The following IGF2R variants were observed in gnomAD, a reference collection of about 807,000 sequenced individuals.
The protein encoded by IGF2R is cation-independent mannose-6-phosphate receptor.
Under a neutral mutation model 270.6 loss-of-function variants are expected in IGF2R, and 91 were observed. That is an observed-to-expected ratio of 0.34 (90% CI 0.28 to 0.40). IGF2R has a LOEUF of 0.40. Ranked by LOEUF, IGF2R falls within the 10% of genes least tolerant of loss-of-function variation. The pLI, the probability that IGF2R is intolerant of heterozygous loss-of-function variation, is 1.00. For missense variants in IGF2R, 2,805 were observed against 3,188.3 expected, an observed-to-expected ratio of 0.88 and a Z score of 2.90; for synonymous variants, 1,316 against 1,258.9, an observed-to-expected ratio of 1.05 and a Z score of -0.96.
In IGF2R at chr6:160,060,675, G is replaced by A. The variant is rs201467256; in HGVS notation, c.3220G>A (p.Ala1074Thr). ...AAACACTTACTTTGAGTTTGAAACC[G>A]CGTTGGCCTGTGTTCCTTCTCCAGT... ...IRNTYFEFET[A>T]LACVPSPVDC... The change falls in exon 23 of 48, where the codon GCG becomes ACG. Residue 1074 changes from alanine to threonine, a missense_variant. By Grantham distance (58) the Ala-to-Thr change is moderately conservative (BLOSUM62 0). Transcript: ENST00000356956. 119 of 1,614,128 alleles carry A rather than the reference G, an allele frequency of 7.4e-5. No individual in the cohort carries two copies. Among genetic ancestry groups the A allele is most frequent in the Middle Eastern group, 1.6e-4 (1 of 6,084 alleles).
chr6:159,980,912 G>A (rs554815588), intron 1 of IGF2R, among the ~76,000 whole-genome samples: 1 of 152,264 alleles, frequency 6.6e-6, no homozygotes. Flanking sequence ...GAGGAGCAAA[G>A]TATGAGACCG....
In IGF2R at chr6:159,998,223, T is replaced by C. The variant is rs958069276; in HGVS notation, c.289+6900T>C. Among the ~76,000 whole-genome samples, 2 of 152,250 alleles carry C rather than the reference T, an allele frequency of 1.3e-5. No homozygotes were observed. The highest frequency in any genetic ancestry group is 2.4e-5 in the African/African-American group (1 of 41,460). On this transcript the variant is annotated intron_variant, in intron 2 of 47. Transcript: ENST00000356956. This position sits in a 1 kb window ranked among gnomAD's most constrained non-coding sequence, Gnocchi z 4.1. ...AGTAGCTTTCTTCTTGATTTTATTA[T>C]AATACTTCAATATTTTTGGCTAATG...
chr6:159,970,109 A>G (rs1260971543), intron 1 of IGF2R, among the ~76,000 whole-genome samples: 2 of 152,112 alleles, frequency 1.3e-5, no homozygotes, highest in South Asian at 2.1e-4. Flanking sequence ...GGATTATTCT[A>G]GTGGATCTTG....
intron 4 of IGF2R, among the ~76,000 whole-genome samples, chr6:160,024,038 T>C (rs1180121616): frequency 2.6e-5 from 4 of 152,018 alleles, no homozygotes; most frequent in Non-Finnish European, 5.9e-5. Context: ...CAAGAGACCA[T>C]GTAACGGGAA....
At chr6:160,008,701 G>A (rs2115203038) in intron 2 of IGF2R, among the ~76,000 whole-genome samples, 1 of 152,278 alleles carries the variant, frequency 6.6e-6, no homozygotes, top group East Asian at 1.9e-4. Flanking sequence ...GCAGTTAGGT[G>A]GCCATTGCTG....
chr6:159,987,572 A>G (rs1426122652), intron 1 of IGF2R, among the ~76,000 whole-genome samples: 2 of 152,138 alleles, frequency 1.3e-5, no homozygotes, highest in Non-Finnish European at 2.9e-5. Flanking sequence ...TTGTATTTTT[A>G]GTAGAGACGG....
chr6:160,049,407 G>A (rs1778144725), intron 18 of IGF2R, among the ~76,000 whole-genome samples: 1 of 152,186 alleles, frequency 6.6e-6, no homozygotes, highest in South Asian at 2.1e-4. Context: ...CCTGTTCCTG[G>A]TTGAAGTTGA....
In IGF2R at chr6:160,102,626, T is replaced by C. The variant is rs1342578073; in HGVS notation, c.6950T>C (p.Leu2317Pro). ...GAVLSLLLVA[L>P]TCCLLALLLY... ...GTGCTCAGCCTGCTGCTGGTGGCGC[T>C]CACCTGCTGCCTGCTGGCCCTGTTG... Residue 2317 changes from leucine to proline, a missense_variant, in exon 46 of 48, where the codon CTC becomes CCC. Transcript: ENST00000356956. This position sits in a 1 kb window ranked among gnomAD's most constrained non-coding sequence, Gnocchi z 4.5. 2 of 1,612,764 alleles carry C rather than the reference T, an allele frequency of 1.2e-6. No homozygotes were observed. The highest frequency in any genetic ancestry group is 1.3e-5 in the African/African-American group (1 of 74,914).
At chr6:160,076,533 G>A (rs1778859173) in intron 36 of IGF2R, among the ~76,000 whole-genome samples, 1 of 152,154 alleles carries the variant, frequency 6.6e-6, no homozygotes, top group Non-Finnish European at 1.5e-5. Flanking sequence ...AGTCTTTGAG[G>A]ACGTTTTCTT....
At chr6:160,044,799 G>A (rs1309866958) in intron 13 of IGF2R, 142 bp downstream of exon 13, 1 of 671,686 alleles carries the variant, frequency 1.5e-6, no homozygotes, top group East Asian at 3.0e-5. Context: ...CCAGACTCTG[G>A]CGATGGGAGA....
chr6:160,053,942 C>T (rs1778252638), intron 19 of IGF2R, among the ~76,000 whole-genome samples: 1 of 152,152 alleles, frequency 6.6e-6, no homozygotes, highest in African/African-American at 2.4e-5. Context: ...GGTCTTAGAA[C>T]TCCTAGGTTC....
rs554411676 is a variant in IGF2R at position 160,088,124 on chromosome 6, G to T, written c.6297G>T (p.Thr2099=). The stretch of plus-strand genomic sequence containing the variant: ...TGATAGAATTGACCTGTACAAAGAC[G>T]GTGGGCAGACCTGCATTCAAGAGGT... ...SSVIELTCTK[T]VGRPAFKRFD... is the part of the protein sequence containing the mutation. Residue 2099 remains threonine (T), a synonymous_variant, in exon 42 of 48, where the codon ACG becomes ACT. Transcript: ENST00000356956. 3 of 1,611,074 alleles carry T rather than the reference G, an allele frequency of 1.9e-6. No homozygotes were observed. The highest frequency in any genetic ancestry group is 1.7e-5 in the Admixed American group (1 of 60,022).
intron 46 of IGF2R, among the ~76,000 whole-genome samples, chr6:160,103,435 G>C (rs1394595942): frequency 6.6e-6 from 1 of 152,206 alleles, no homozygotes; most frequent in Admixed American, 6.5e-5. Context: ...CCACCATTGG[G>C]CAGGCTTAGT....
In IGF2R at chr6:160,045,825, G is replaced by C. The variant is rs775893163; in HGVS notation, c.1846G>C (p.Ala616Pro). Residue 616 changes from alanine to proline, a missense_variant, in exon 14 of 48, where the codon GCC (alanine) becomes CCC (proline). Around this residue, in one of 2 missense-constraint regions of IGF2R, gnomAD observed 954 missense variants for 981.1 expected, o/e 0.97. Transcript: ENST00000356956. ...TGAGTTTGAGTGGCACACAGCTGCG[G>C]CCTGTGTGCTGTCTAAGACAGAAGG... ...FYEFEWHTAA[A>P]CVLSKTEGEN... 6.2e-7 allele frequency: 1 copy of C among 1,612,444 alleles called. No individual in the cohort carries two copies. The highest frequency in any genetic ancestry group is 1.1e-5 in the South Asian group (1 of 90,878).
Position 160,024,537 on chromosome 6 carries a change from T to G in IGF2R, c.514-35T>G, listed in dbSNP as rs183481543. ...AGCTTTTCTGATTGACCAAGATGTA[T>G]ACTGAAGACTCACTTTTTTCTTCCT... On this transcript the variant is annotated intron_variant, in intron 4 of 47. Coordinates refer to ENST00000356956, the MANE Select transcript of IGF2R (RefSeq NM_000876.4). 1.5e-4 allele frequency: 238 copies of G among 1,609,406 alleles called. No individual in the cohort carries two copies. The African/African-American group carries it at 2.8e-3, about 19-fold the overall frequency.
intron 2 of IGF2R, chr6:160,007,372 C>T (rs140041061): frequency 6.6e-6 from 1 of 152,326 alleles, no homozygotes; most frequent in East Asian, 1.9e-4. Context: ...TGAGCCACCT[C>T]ATGGCTGACA....
chr6:160,043,081 T>C (rs1159533031), intron 11 of IGF2R, 67 bp from the exon 12 acceptor site: 2 of 1,563,860 alleles, frequency 1.3e-6, no homozygotes, highest in East Asian at 2.2e-5. Context: ...GCTTAATCAC[T>C]ATTTATTCTG....
In IGF2R at chr6:160,029,592, C is replaced by G; in HGVS notation, c.819C>G (p.Asp273Glu). ...TGAGGGAAGAGGCAGGAAAGCTAGA[C>G]TTTTGTGATGGTCACAGCCCTGCGG... ...SYVREEAGKL[D>E]FCDGHSPAVT... Residue 273 changes from aspartate to glutamate, a missense_variant, in exon 7 of 48, where the codon GAC (aspartate) becomes GAG (glutamate). Coordinates refer to ENST00000356956, the MANE Select transcript of IGF2R (RefSeq NM_000876.4). The G allele has an allele frequency of 6.2e-7, 1 of 1,614,144 alleles. No homozygotes were observed. The highest frequency in any genetic ancestry group is 2.2e-5 in the East Asian group (1 of 44,882).
intron 45 of IGF2R, among the ~76,000 whole-genome samples, chr6:160,097,993 T>G (rs895280021): frequency 6.6e-6 from 1 of 152,186 alleles, no homozygotes; most frequent in African/African-American, 2.4e-5. Context: ...GGTGACGTCA[T>G]TACAAAATGA....
Sources: gnomAD v4.1 joint callset for allele counts (sites outside exome capture counted in the v4.1 genomes callset) on GRCh38, gnomAD v4.1.1 for gene constraint, gnomAD v4.1.1 regional missense constraint, Gnocchi (gnomAD v3.1) non-coding constraint, MANE v1.5 for transcripts, NCBI Gene and HGNC (gene_info 2026-07-23, HGNC 2026-07-21) for gene names.